Variants in EARS2 observed in about 807,000 individuals in gnomAD.
EARS2 encodes glutamyl-tRNA synthetase 2, mitochondrial.
Under a neutral mutation model 54.1 loss-of-function variants are expected in EARS2, and 50 were observed. The observed-to-expected ratio is 0.92, with a 90% confidence interval of 0.74 to 1.17. The LOEUF is 1.17. Ranked by LOEUF, EARS2 falls within the 50% of genes most tolerant of loss-of-function variation. The pLI, the probability that EARS2 is intolerant of heterozygous loss-of-function variation, is 0.00. For synonymous variants in EARS2, 298 were observed against 281.0 expected (o/e 1.06, Z -0.61); for missense variants, 673 against 675.0 (o/e 1.00, Z 0.03).
At chr16:23,556,880 A>T in intron 1 of EARS2, 1 of 586,868 alleles carries the variant, frequency 1.7e-6, no homozygotes, top group Non-Finnish European at 3.2e-6. Context: ...CCACAGAGCA[A>T]GGCCCCTACC....
At chr16:23,539,590 A>ATG (rs1965480113) in intron 3 of EARS2, among the ~76,000 whole-genome samples, 5 of 152,172 alleles carry the variant, frequency 3.3e-5, no homozygotes, top group Admixed American at 3.3e-4. Context: ...CCATGAGATG[A>ATG]TGTGTGTAAC....
intron 1 of EARS2, among the ~76,000 whole-genome samples, chr16:23,553,429 A>T (rs896864720): frequency 2.0e-5 from 3 of 152,190 alleles, no homozygotes; most frequent in Non-Finnish European, 4.4e-5. Flanking sequence ...AAAAAAATTA[A>T]TTACAAACAA....
At chr16:23,557,046 G>T in intron 1 of EARS2, 159 bp downstream of exon 1, 2 of 1,084,070 alleles carry the variant, frequency 1.8e-6, no homozygotes, top group Non-Finnish European at 2.7e-6. Context: ...TTCCGCTCCT[G>T]CACCTCAGTT....
rs747907288 is a variant in EARS2 at position 23,525,389 on chromosome 16, G to A, written c.1353-10C>T. Reference sequence around the variant, plus strand: ...AGATCTTTCTAGAAGCCTAGAAGAAGAGGGCCAGTTTACAGGGCCTGCATG... The same window carrying A: ...AGATCTTTCTAGAAGCCTAGAAGAAAAGGGCCAGTTTACAGGGCCTGCATG... On this transcript the variant is annotated splice_polypyrimidine_tract_variant and intron_variant, in intron 7 of 8. Coordinates refer to ENST00000449606, the MANE Select transcript of EARS2 (RefSeq NM_001083614.2). The A allele has an allele frequency of 1.2e-6, 2 of 1,610,380 alleles. No homozygotes were observed. The highest frequency in any genetic ancestry group is 1.7e-6 in the Non-Finnish European group (2 of 1,178,242).
At chr16:23,530,305 T>C (rs897311686) in intron 5 of EARS2, among the ~76,000 whole-genome samples, 1 of 152,122 alleles carries the variant, frequency 6.6e-6, no homozygotes, top group Non-Finnish European at 1.5e-5. Flanking sequence ...TTTTAGTTTT[T>C]TGTAGAGACA....
chr16:23,540,624 T>C (rs1038341399), intron 3 of EARS2, among the ~76,000 whole-genome samples: 5 of 152,248 alleles, frequency 3.3e-5, no homozygotes, highest in Admixed American at 3.3e-4. Context: ...TCTTCTTTTA[T>C]AACCAAATAT....
intron 2 of EARS2, among the ~76,000 whole-genome samples, chr16:23,550,153 G>A (rs1197152508): frequency 6.6e-6 from 1 of 151,976 alleles, no homozygotes; most frequent in African/African-American, 2.4e-5. Context: ...TTGAGGTCAG[G>A]GGTTCAACAG....
At chr16:23,555,643 T>C (rs943167145) in intron 1 of EARS2, among the ~76,000 whole-genome samples, 1 of 152,202 alleles carries the variant, frequency 6.6e-6, no homozygotes, top group African/African-American at 2.4e-5. Flanking sequence ...CTGAAAACAG[T>C]TGTCAGTTCA....
intron 3 of EARS2, among the ~76,000 whole-genome samples, chr16:23,543,475 C>G (rs142088750): frequency 1.3e-3 from 190 of 151,260 alleles, no homozygotes; most frequent in Middle Eastern, 3.4e-3. Flanking sequence ...TGGCTGGGCA[C>G]GGTGGTTTAC....
chr16:23,532,479 A>T (rs1258720664), intron 5 of EARS2, 178 bp downstream of exon 5: 1 of 514,916 alleles, frequency 1.9e-6, no homozygotes, highest in African/African-American at 1.9e-5. Context: ...AGGATATAAG[A>T]TCAGTACTGT....
At chr16:23,544,890 G>A in intron 2 of EARS2, 187 bp from the exon 3 acceptor site, 1 of 519,944 alleles carries the variant, frequency 1.9e-6, no homozygotes, top group Non-Finnish European at 3.3e-6. Context: ...CGCCAAGGCT[G>A]GAGTGCAGTG....
chr16:23,555,312 C>T (rs1326135322), intron 1 of EARS2, among the ~76,000 whole-genome samples: 1 of 152,046 alleles, frequency 6.6e-6, no homozygotes, highest in Non-Finnish European at 1.5e-5. Context: ...ATGGCAAAAC[C>T]CCATCTCTAC....
intron 3 of EARS2, among the ~76,000 whole-genome samples, chr16:23,537,986 G>C (rs1176159663): frequency 6.6e-6 from 1 of 151,130 alleles, no homozygotes; most frequent in Non-Finnish European, 1.5e-5. Flanking sequence ...TAGTAGAAAT[G>C]GGGGCTCACC....
rs1007933034 is a variant in EARS2 at position 23,547,417 on chromosome 16, T to C, written c.296-2714A>G. Among the ~76,000 whole-genome samples, 41 of 152,194 alleles carry C rather than the reference T, an allele frequency of 2.7e-4. 1 individual carries two copies. Among genetic ancestry groups the C allele is most frequent in the Admixed American group, 2.0e-4 (3 of 15,264 alleles). The stretch of plus-strand genomic sequence containing the variant: ...GGTGATGGAAATGTTCTGGAATTAG[T>C]GGTGACGGTTGCGCAACACAGTAAA... On this transcript the variant is annotated intron_variant, in intron 2 of 8. Coordinates refer to ENST00000449606, the MANE Select transcript of EARS2 (RefSeq NM_001083614.2).
chr16:23,538,375 G>T (rs1485830132), intron 3 of EARS2, among the ~76,000 whole-genome samples: 3 of 151,882 alleles, frequency 2.0e-5, no homozygotes, highest in African/African-American at 7.3e-5. Flanking sequence ...CTGACCTCAG[G>T]TGATCTGCCT....
intron 3 of EARS2, among the ~76,000 whole-genome samples, chr16:23,538,964 GC>G (rs1037737133): frequency 6.9e-6 from 1 of 144,276 alleles, no homozygotes; most frequent in African/African-American, 2.6e-5. Context: ...AACAGTTATG[GC>G]CCCCCTCCTT....
In EARS2 at chr16:23,520,833, G is replaced by T. The variant is rs1451148644; in HGVS notation, c.*3538C>A. 1.3e-5 allele frequency among the ~76,000 whole-genome samples: 2 copies of T among 152,092 alleles called. No individual in the cohort carries two copies. The highest frequency in any genetic ancestry group is 1.3e-4 in the Admixed American group (2 of 15,260). ...AGACAGAGTGTCGCTCTGTTCCCCA[G>T]GCTGGAGTACAATGGTGTGATCTTG... On this transcript the variant is annotated 3_prime_UTR_variant, in exon 9 of 9. Coordinates refer to ENST00000449606, the MANE Select transcript of EARS2 (RefSeq NM_001083614.2).
intron 3 of EARS2, chr16:23,537,205 T>G: frequency 1.2e-5 from 2 of 168,440 alleles, no homozygotes. Context: ...TTGGGAGCTC[T>G]GTCATCTTCC....
At chr16:23,553,049 C>A in intron 1 of EARS2, 1 of 402,192 alleles carries the variant, frequency 2.5e-6, no homozygotes, top group Non-Finnish European at 5.1e-6. Flanking sequence ...ATCACCTGAG[C>A]CTGGGGACGC....
Sources: allele counts gnomAD v4.1 joint callset (sites outside exome capture counted in the v4.1 genomes callset), GRCh38; gene constraint gnomAD v4.1.1; transcripts MANE v1.5; gene names NCBI Gene and HGNC (gene_info 2026-07-23, HGNC 2026-07-21).